Variants in CCDC171 observed in about 807,000 individuals in gnomAD.
The protein encoded by CCDC171 is coiled-coil domain-containing protein 171.
Under a neutral mutation model 168.2 loss-of-function variants are expected in CCDC171, and 177 were observed. The observed-to-expected ratio is 1.05, with a 90% confidence interval of 0.93 to 1.19. CCDC171 has a LOEUF of 1.19. Ranked by LOEUF, CCDC171 falls within the 50% of genes most tolerant of loss-of-function variation. The pLI is 0.00. For synonymous variants in CCDC171, 687 were observed against 540.8 expected (o/e 1.27, Z -3.75); for missense variants, 1,991 against 1,539.0 (o/e 1.29, Z -4.91).
At chr9:15,762,286 C>T (rs2056490133) in intron 18 of CCDC171, among the ~76,000 whole-genome samples, 1 of 150,560 alleles carries the variant, frequency 6.6e-6, no homozygotes, top group Admixed American at 6.6e-5. Flanking sequence ...TAAAATATTA[C>T]AGATATATTT....
intron 11 of CCDC171, among the ~76,000 whole-genome samples, chr9:15,718,994 C>G (rs1425650786): frequency 5.9e-5 from 9 of 151,998 alleles, no homozygotes; most frequent in Admixed American, 2.6e-4. Flanking sequence ...AAATAAGGGA[C>G]CAGAAACCAA....
At chr9:15,985,308 C>T (rs866269903) in intron 3 of CCDC171, among the ~76,000 whole-genome samples, 5 of 152,094 alleles carry the variant, frequency 3.3e-5, no homozygotes, top group South Asian at 2.1e-4. Flanking sequence ...GGTTCAAGTG[C>T]GAGATACATT....
intron 25 of CCDC171, among the ~76,000 whole-genome samples, chr9:15,960,929 C>T (rs1055084050): frequency 1.5e-4 from 22 of 151,660 alleles, no homozygotes; most frequent in Admixed American, 5.9e-4. Flanking sequence ...CAGCATTCCA[C>T]GAAGAATTGC....
chr9:15,734,479 A>G (rs10217374), intron 16 of CCDC171, among the ~76,000 whole-genome samples: 144,208 of 152,252 alleles, frequency 0.95, 68,345 homozygotes, highest in East Asian at 1. Context: ...CAGAGGTTGC[A>G]ATAAGCCGAG....
At position 15,722,541 on chromosome 9, in the gene CCDC171, A is replaced by G. The variant is rs559806363; in HGVS notation, c.1425+666A>G. Among the ~76,000 whole-genome samples, 227 of 152,350 alleles carry G rather than the reference A, an allele frequency of 1.5e-3. 1 individual carries two copies. The highest frequency in any genetic ancestry group is 5.3e-3 in the African/African-American group (222 of 41,586). On this transcript the variant is annotated intron_variant, in intron 12 of 25. Transcript: ENST00000380701. ...AGAGTTTGTCTAGTTACATCTTGTC[A>G]AATTAGCATATGAAGTAATTACATT...
intron 21 of CCDC171, among the ~76,000 whole-genome samples, chr9:15,807,237 T>C (rs919525111): frequency 1.3e-5 from 2 of 152,216 alleles, no homozygotes; most frequent in African/African-American, 4.8e-5. Context: ...CTCAGTCTGG[T>C]TAGGAACCCT....
At chr9:15,862,567 G>A (rs977473116) in intron 23 of CCDC171, among the ~76,000 whole-genome samples, 2 of 150,230 alleles carry the variant, frequency 1.3e-5, no homozygotes, top group Non-Finnish European at 3.0e-5. Context: ...TCCTTTTTTG[G>A]ATTATGTTTC....
At chr9:15,605,749 T>A (rs555996365) in intron 6 of CCDC171, among the ~76,000 whole-genome samples, 166 of 151,012 alleles carry the variant, frequency 1.1e-3, no homozygotes, top group African/African-American at 3.9e-3. Flanking sequence ...AAAGTAAGGG[T>A]CTTGCCCCTT....
intron 6 of CCDC171, among the ~76,000 whole-genome samples, chr9:15,618,824 C>T (rs1215204448): frequency 2.0e-5 from 3 of 151,926 alleles, no homozygotes; most frequent in Admixed American, 1.3e-4. Context: ...TGCTTGCTCT[C>T]CGTGGGTTGC....
chr9:15,789,352 A>G (rs914125912), intron 21 of CCDC171, among the ~76,000 whole-genome samples: 2 of 152,168 alleles, frequency 1.3e-5, no homozygotes, highest in East Asian at 3.9e-4. Context: ...CTCAACCTAT[A>G]CCAATATTAA....
At chr9:15,816,876 T>C (rs2059579087) in intron 21 of CCDC171, among the ~76,000 whole-genome samples, 1 of 119,090 alleles carries the variant, frequency 8.4e-6, no homozygotes, top group Non-Finnish European at 1.9e-5. Flanking sequence ...GATATTCAGA[T>C]TGTATTCCTT....
the CCDC171 span, among the ~76,000 whole-genome samples, chr9:16,075,979 A>C: frequency 6.6e-6 from 1 of 152,230 alleles, no homozygotes; most frequent in Non-Finnish European, 1.5e-5. Flanking sequence ...CTGAGTCATC[A>C]CATAAAATGT....
intron 10 of CCDC171, among the ~76,000 whole-genome samples, chr9:15,683,556 C>G (rs1344278070): frequency 6.6e-6 from 1 of 151,920 alleles, no homozygotes; most frequent in Non-Finnish European, 1.5e-5. Flanking sequence ...ATATCACTTT[C>G]CGTTTCTCTT....
chr9:15,831,230 C>G (rs1334194012), intron 21 of CCDC171, among the ~76,000 whole-genome samples: 1 of 151,996 alleles, frequency 6.6e-6, no homozygotes, highest in Non-Finnish European at 1.5e-5. Flanking sequence ...CCTCGGCCTC[C>G]CAAAGTGCTA....
At position 15,819,672 on chromosome 9, in the gene CCDC171, A is replaced by G. The variant is rs1326887470; in HGVS notation, c.3268-27030A>G. Among the ~76,000 whole-genome samples, 16 of 117,710 alleles carry G rather than the reference A, an allele frequency of 1.4e-4. 4 individuals are homozygous for G. The highest frequency in any genetic ancestry group is 4.2e-4 in the East Asian group (2 of 4,710). 77.2% of individuals were successfully genotyped at this position (117,710 alleles called of 152,430 possible). On this transcript the variant is annotated intron_variant, in intron 21 of 25. Transcript: ENST00000380701. ...AAATATATATGCACCCAATACAGGAACACCCAGATTCATAAAGCAAGTCCT... is the reference window on the plus strand; with the variant it reads ...AAATATATATGCACCCAATACAGGAGCACCCAGATTCATAAAGCAAGTCCT...
intron 2 of CCDC171, among the ~76,000 whole-genome samples, chr9:15,570,323 A>G (rs539642501): frequency 2.7e-5 from 4 of 150,550 alleles, no homozygotes; most frequent in African/African-American, 9.8e-5. Context: ...TTCATTTCCT[A>G]TTGCAGTCAT....
At chr9:15,704,843 A>G (rs2052081744) in intron 11 of CCDC171, among the ~76,000 whole-genome samples, 1 of 152,024 alleles carries the variant, frequency 6.6e-6, no homozygotes, top group African/African-American at 2.4e-5. Context: ...AACAGTTTAC[A>G]CCTTGTTTCC....
At chr9:15,908,309 G>A (rs563109712) in intron 24 of CCDC171, among the ~76,000 whole-genome samples, 2 of 152,274 alleles carry the variant, frequency 1.3e-5, no homozygotes, top group South Asian at 2.1e-4. Context: ...TATACACCAT[G>A]GAATACTATG....
intron 18 of CCDC171, among the ~76,000 whole-genome samples, chr9:15,774,281 ATCAG>A (rs2057183575): frequency 1.4e-5 from 2 of 143,888 alleles, no homozygotes; most frequent in Non-Finnish European, 3.1e-5. Flanking sequence ...AAAAAAAGTC[ATCAG>A]AAAGTAGGCT....
Sources: gnomAD v4.1 joint callset for allele counts (sites outside exome capture counted in the v4.1 genomes callset) on GRCh38, gnomAD v4.1.1 for gene constraint, MANE v1.5 for transcripts, NCBI Gene and HGNC (gene_info 2026-07-23, HGNC 2026-07-21) for gene names.